The following SYTL3 variants were observed in gnomAD, a reference collection of about 807,000 sequenced individuals.
SYTL3 encodes synaptotagmin like 3.
In SYTL3, 88 loss-of-function variants were observed where a neutral mutation model predicts 82.1. The ratio of observed to expected loss-of-function variants is 1.07; its 90% CI spans 0.90 to 1.28. The LOEUF is 1.28. Among genes scored for constraint, SYTL3 ranks in the 50% most tolerant of loss-of-function variants. The pLI, the probability that SYTL3 is intolerant of heterozygous loss-of-function variation, is 0.00. For missense variants in SYTL3, 831 were observed against 757.6 expected, an observed-to-expected ratio of 1.10 and a Z score of -1.14; for synonymous variants, 311 against 289.4, an observed-to-expected ratio of 1.07 and a Z score of -0.76.
intron 1 of SYTL3, among the ~76,000 whole-genome samples, chr6:158,650,353 C>G (rs1787844907): frequency 1.3e-5 from 2 of 151,718 alleles, no homozygotes; most frequent in African/African-American, 4.8e-5. Context: ...TATCCAAAAG[C>G]TATATGGTGT....
At chr6:158,736,902 G>A (rs975728281) in intron 11 of SYTL3, among the ~76,000 whole-genome samples, 2 of 151,956 alleles carry the variant, frequency 1.3e-5, no homozygotes, top group African/African-American at 2.4e-5. Context: ...GATTTGATAA[G>A]GGAGGAGGAG....
At chr6:158,725,887 AC>A (rs1784669429) in intron 11 of SYTL3, 3 of 701,266 alleles carry the variant, frequency 4.3e-6, no homozygotes, top group Admixed American at 2.0e-5. Flanking sequence ...AATCCACTCC[AC>A]CAGTGCTCTG....
chr6:158,700,656 G>A (rs566722482), intron 6 of SYTL3, among the ~76,000 whole-genome samples: 24 of 152,090 alleles, frequency 1.6e-4, no homozygotes, highest in Non-Finnish European at 2.5e-4. Flanking sequence ...TTGCTCTGTC[G>A]CCCAGGCTGG....
At chr6:158,758,839 C>T (rs980396301) in intron 14 of SYTL3, among the ~76,000 whole-genome samples, 2 of 152,298 alleles carry the variant, frequency 1.3e-5, no homozygotes, top group African/African-American at 2.4e-5. Context: ...AGTGGCCTCC[C>T]TTCCAGGACC....
At position 158,713,871 on chromosome 6, in the gene SYTL3, C is replaced by T. The variant is rs761191663; in HGVS notation, c.588C>T (p.His196=). The T allele has an allele frequency of 6.8e-5, 105 of 1,549,468 alleles. No homozygotes were observed. Among genetic ancestry groups the T allele is most frequent in the South Asian group, 3.5e-4 (29 of 84,034 alleles). ...ATTTGTTTCTGTCTCTTGCTACCCACGTGAAAAGTAAGTGCATGCTTCATG... is the reference window on the plus strand; with the variant it reads ...ATTTGTTTCTGTCTCTTGCTACCCATGTGAAAAGTAAGTGCATGCTTCATG... ...VENLFLSLAT[H]VKKLSKSQND... Residue 196 remains histidine (H), a synonymous_variant, in exon 9 of 18, where the codon CAC becomes CAT. Transcript: ENST00000611299.
chr6:158,764,654 T>C lies in SYTL3; in HGVS notation c.*50T>C, dbSNP rs898299938. 7.4e-7 allele frequency: 1 copy of C among 1,359,194 alleles called. No individual in the cohort carries two copies. Among genetic ancestry groups the C allele is most frequent in the East Asian group, 2.3e-5 (1 of 43,638 alleles). 84.2% of individuals were successfully genotyped at this position (1,359,194 alleles called of 1,614,324 possible). ...TGCAGCAGGCGTGAGGCACTGTGCGTCTGCAGAGGGGCTACGAACCAGGTG... is the reference window on the plus strand; with the variant it reads ...TGCAGCAGGCGTGAGGCACTGTGCGCCTGCAGAGGGGCTACGAACCAGGTG... On this transcript the variant is annotated 3_prime_UTR_variant, in exon 18 of 18. Coordinates refer to ENST00000611299, the MANE Select transcript of SYTL3 (RefSeq NM_001242394.2).
chr6:158,678,760 C>A (rs1010677994), intron 5 of SYTL3, among the ~76,000 whole-genome samples: 5 of 152,146 alleles, frequency 3.3e-5, no homozygotes, highest in Admixed American at 2.6e-4. Context: ...TCTCCTGATT[C>A]TATAGCTTCG....
At chr6:158,754,613 G>C (rs951369904) in intron 13 of SYTL3, among the ~76,000 whole-genome samples, 1 of 152,194 alleles carries the variant, frequency 6.6e-6, no homozygotes, top group Non-Finnish European at 1.5e-5. Flanking sequence ...CCAGCTACTC[G>C]GGAGGCTGAG....
chr6:158,715,964 G>A (rs537545001), intron 9 of SYTL3, among the ~76,000 whole-genome samples: 111 of 152,242 alleles, frequency 7.3e-4, no homozygotes, highest in African/African-American at 2.4e-3. Flanking sequence ...TGAGGTCCTC[G>A]GGGAGGGACT....
chr6:158,762,728 C>T (rs1790142379), intron 16 of SYTL3, among the ~76,000 whole-genome samples: 1 of 152,056 alleles, frequency 6.6e-6, no homozygotes, highest in Non-Finnish European at 1.5e-5. Context: ...ACTAGCCTGG[C>T]CAACATGATG....
intron 6 of SYTL3, among the ~76,000 whole-genome samples, chr6:158,701,955 C>T (rs752987204): frequency 9.2e-5 from 14 of 151,914 alleles, no homozygotes; most frequent in African/African-American, 1.9e-4. Flanking sequence ...GCCCATCTGC[C>T]TGTGTGTCTA....
At chr6:158,645,652 A>G (rs1221401589), upstream of SYTL3, among the ~76,000 whole-genome samples, 2 of 152,136 alleles carry the variant, frequency 1.3e-5, no homozygotes, top group Non-Finnish European at 2.9e-5. Flanking sequence ...TCGGGACCCC[A>G]GTTAAAGATT....
intron 13 of SYTL3, among the ~76,000 whole-genome samples, chr6:158,756,023 T>C (rs986889582): frequency 3.9e-5 from 6 of 152,198 alleles, no homozygotes; most frequent in Admixed American, 6.5e-5. Flanking sequence ...AAAAGATCAA[T>C]GCATCTAGAA....
At chr6:158,692,568 G>T (rs1232029881) in intron 6 of SYTL3, among the ~76,000 whole-genome samples, 2 of 151,980 alleles carry the variant, frequency 1.3e-5, no homozygotes, top group Non-Finnish European at 2.9e-5. Flanking sequence ...GACATGATCC[G>T]TCCCATCACA....
rs1583171758 is a variant in SYTL3 at position 158,669,492 on chromosome 6, G to A, written c.329+3879G>A. Among the ~76,000 whole-genome samples, 8 of 152,342 alleles carry A rather than the reference G, an allele frequency of 5.3e-5. 2 individuals carry two copies. The highest frequency in any genetic ancestry group is 5.2e-4 in the Admixed American group (8 of 15,296). ...TTGGTTTGTACAGAGAATTCTGTAA[G>A]TTGCAAGTATTTTAACAATGATAAA... On this transcript the variant is annotated intron_variant, in intron 5 of 17. Transcript: ENST00000611299.
intron 13 of SYTL3, among the ~76,000 whole-genome samples, chr6:158,755,795 CCATT>C (rs1788982036): frequency 2.0e-5 from 3 of 152,318 alleles, no homozygotes; most frequent in South Asian, 4.1e-4. Context: ...CGAGGAGTCA[CCATT>C]CAAACCCCAA....
At chr6:158,648,512 A>AC (rs1787643395), upstream of SYTL3, among the ~76,000 whole-genome samples, 1 of 150,596 alleles carries the variant, frequency 6.6e-6, no homozygotes, top group African/African-American at 2.5e-5. Flanking sequence ...AATAGCGTGA[A>AC]CCCGGGAGGC....
intron 6 of SYTL3, among the ~76,000 whole-genome samples, chr6:158,693,279 G>A (rs569801555): frequency 6.6e-6 from 1 of 152,116 alleles, no homozygotes; most frequent in Admixed American, 6.6e-5. Context: ...GCACAGTGGC[G>A]GGATCTTGGC....
At chr6:158,698,200 C>A (rs1261839669) in intron 6 of SYTL3, among the ~76,000 whole-genome samples, 1 of 152,072 alleles carries the variant, frequency 6.6e-6, no homozygotes, top group Admixed American at 6.6e-5. Flanking sequence ...AATTGGAGAC[C>A]AGCCTGGCCA....
Sources: allele counts gnomAD v4.1 joint callset (sites outside exome capture counted in the v4.1 genomes callset), GRCh38; gene constraint gnomAD v4.1.1; transcripts MANE v1.5; gene names NCBI Gene and HGNC (gene_info 2026-07-23, HGNC 2026-07-21).